Variants in ADCY8 observed in about 807,000 individuals in gnomAD.
The protein encoded by ADCY8 is adenylate cyclase type 8.
Under a neutral mutation model 119.7 loss-of-function variants are expected in ADCY8, and 51 were observed. That is an observed-to-expected ratio of 0.43 (90% CI 0.34 to 0.54). The LOEUF is 0.54. Ranked by LOEUF, ADCY8 falls within the 20% of genes least tolerant of loss-of-function variation. The pLI is 0.03. For missense variants in ADCY8, 1,383 were observed against 1,598.8 expected, an observed-to-expected ratio of 0.87 and a Z score of 2.30; for synonymous variants, 665 against 651.0, an observed-to-expected ratio of 1.02 and a Z score of -0.33.
Position 130,835,720 on chromosome 8 carries a change from C to T in ADCY8, c.2675+557G>A, listed in dbSNP as rs139839476. Among the ~76,000 whole-genome samples the T allele has an allele frequency of 9.8e-3, 1,490 of 152,102 alleles. 34 individuals carry two copies. The highest frequency in any genetic ancestry group is 0.034 in the African/African-American group (1,422 of 41,496). On this transcript the variant is annotated intron_variant, in intron 12 of 17. Transcript: ENST00000286355. ...AATTTTGCATATAACCTATACATAT[C>T]CCCCCCATGCTTTAAATCATCCTTA...
chr8:130,783,625 C>A (rs1285478522), intron 17 of ADCY8, 66 bp downstream of exon 17: 3 of 1,137,754 alleles, frequency 2.6e-6, no homozygotes, highest in Admixed American at 2.0e-5. Context: ...ATGCCCAAGG[C>A]AGGGGAGGGT....
intron 1 of ADCY8, among the ~76,000 whole-genome samples, chr8:131,017,694 A>T (rs1823524362): frequency 6.6e-6 from 1 of 152,178 alleles, no homozygotes; most frequent in African/African-American, 2.4e-5. Context: ...ACCACCTGCA[A>T]GGGGCCGACG....
At chr8:130,902,842 A>G (rs1201407307) in intron 7 of ADCY8, among the ~76,000 whole-genome samples, 7 of 152,044 alleles carry the variant, frequency 4.6e-5, no homozygotes, top group East Asian at 1.9e-4. Context: ...CTGTCAGATA[A>G]CTGTCAGATA....
Position 130,979,543 on chromosome 8 carries a change from GGA to G in ADCY8, c.1110+10848_1110+10849del, listed in dbSNP as rs1382424228. 2.0e-5 allele frequency among the ~76,000 whole-genome samples: 3 copies of G among 152,198 alleles called. No homozygotes were observed. In the East Asian group the frequency reaches 5.8e-4, roughly 29 times the overall value. ...AAGGGAGGGCTAGGGCCCTCCCAGT[GGA>G]GAGAGGGGTAGATTGTGAAGAGCAT... On this transcript the variant is annotated intron_variant, in intron 2 of 17. Transcript: ENST00000286355.
rs1456152633 is a variant in ADCY8 at position 130,849,674 on chromosome 8, C to T, written c.2340G>A (p.Glu780=). 5.6e-6 allele frequency: 9 copies of T among 1,614,034 alleles called. No homozygotes were observed. The highest frequency in any genetic ancestry group is 7.6e-6 in the Non-Finnish European group (9 of 1,179,950). Residue 780 remains glutamate, a synonymous_variant, in exon 10 of 18, where the codon GAG becomes GAA. Coordinates refer to ENST00000286355, the MANE Select transcript of ADCY8 (RefSeq NM_001115.3). ...ILRKTCCWIN[E]TYLARNVIIF... is the part of the protein sequence containing the mutation. ...TGATGACGTTCCGGGCCAAATAGGT[C>T]TCATTAATCCAACAGCAAGTTTTCC...
chr8:130,782,160 G>A (rs372027887), intron 17 of ADCY8, among the ~76,000 whole-genome samples: 4 of 152,032 alleles, frequency 2.6e-5, no homozygotes, highest in Admixed American at 6.5e-5. Context: ...CAGATATCTC[G>A]GTAAGATTAT....
rs746873452 is a variant in ADCY8, at chr8:130,849,636, A to G, written c.2378T>C (p.Ile793Thr). 10 of 1,614,022 alleles carry G rather than the reference A, an allele frequency of 6.2e-6. No homozygotes were observed. The highest frequency in any genetic ancestry group is 5.9e-6 in the Non-Finnish European group (7 of 1,179,890). Residue 793 changes from isoleucine (I) to threonine (T), a missense_variant, in exon 10 of 18, where the codon ATT becomes ACT. Physicochemically the swap from Ile to Thr is moderately conservative, Grantham distance 89 (BLOSUM62 -1). This residue lies in a region of ADCY8 where 928 missense variants were observed against 1,163.5 expected (regional missense o/e 0.80). Transcript: ENST00000286355. Reference protein sequence around the residue: ...LARNVIIFASILINFLGAILN... With the variant: ...LARNVIIFASTLINFLGAILN... ...GATGGCACCCAGGAAATTAATCAAAATGGATGCAAAGATGATGACGTTCCG... is the reference window on the plus strand; with the variant it reads ...GATGGCACCCAGGAAATTAATCAAAGTGGATGCAAAGATGATGACGTTCCG...
At chr8:130,927,309 C>T (rs1322360616) in intron 5 of ADCY8, among the ~76,000 whole-genome samples, 1 of 152,076 alleles carries the variant, frequency 6.6e-6, no homozygotes, top group African/African-American at 2.4e-5. Context: ...AGTGATATCT[C>T]ATTGTGGTTT....
chr8:130,989,782 T>C (rs1822518528), intron 2 of ADCY8, among the ~76,000 whole-genome samples: 1 of 152,224 alleles, frequency 6.6e-6, no homozygotes, highest in Admixed American at 6.5e-5. Context: ...TTTTAAGTTC[T>C]TATAACATCC....
chr8:131,026,198 C>G (rs968808384), intron 1 of ADCY8, among the ~76,000 whole-genome samples: 4 of 152,030 alleles, frequency 2.6e-5, no homozygotes, highest in African/African-American at 9.7e-5. Flanking sequence ...GAGGGTGGAG[C>G]CTTCATGAAT....
chr8:130,973,362 G>A (rs969977308), intron 2 of ADCY8, among the ~76,000 whole-genome samples: 1 of 152,192 alleles, frequency 6.6e-6, no homozygotes, highest in African/African-American at 2.4e-5. Flanking sequence ...CTTCAAAATT[G>A]TTTGTACATT....
chr8:130,848,050 T>C (rs1817387311), intron 10 of ADCY8, among the ~76,000 whole-genome samples: 1 of 152,218 alleles, frequency 6.6e-6, no homozygotes, highest in African/African-American at 2.4e-5. Flanking sequence ...AGACACTTTG[T>C]ACAAAAAAGC....
chr8:130,827,474 C>A (rs1816702512), intron 12 of ADCY8, among the ~76,000 whole-genome samples: 1 of 152,204 alleles, frequency 6.6e-6, no homozygotes, highest in Non-Finnish European at 1.5e-5. Context: ...TCGAACCAAT[C>A]TGTGAGCCTA....
chr8:130,945,674 G>A (rs1821085830), intron 3 of ADCY8, among the ~76,000 whole-genome samples: 1 of 152,218 alleles, frequency 6.6e-6, no homozygotes, highest in African/African-American at 2.4e-5. Flanking sequence ...ATATTTGAGA[G>A]AGAAAGAGAA....
Position 130,943,396 on chromosome 8 carries a change from G to C in ADCY8, c.1308C>G (p.Val436=). The change falls in exon 4 of 18, where the codon GTC becomes GTG. Residue 436 remains valine (V), a synonymous_variant. Transcript: ENST00000286355. The part of the protein sequence containing the change: ...LSTTLSAQEL[V]RMLNELFARF... Reference sequence around the variant, plus strand: ...TGGCAAAGAGCTCGTTGAGCATCCTGACCAGCTCCTGAGCAGACAAGGTCG... The same window carrying C: ...TGGCAAAGAGCTCGTTGAGCATCCTCACCAGCTCCTGAGCAGACAAGGTCG... 1.3e-6 allele frequency: 2 copies of C among 1,598,968 alleles called. No individual in the cohort carries two copies. The highest frequency in any genetic ancestry group is 1.7e-6 in the Non-Finnish European group (2 of 1,172,266).
chr8:130,784,541 G>A (rs753631132), intron 16 of ADCY8, among the ~76,000 whole-genome samples: 6 of 152,170 alleles, frequency 3.9e-5, no homozygotes, highest in Non-Finnish European at 8.8e-5. Context: ...AAGGTTTGTC[G>A]ACCATATGGT....
chr8:130,944,471 A>C (rs1239998001), intron 3 of ADCY8, among the ~76,000 whole-genome samples: 1 of 152,204 alleles, frequency 6.6e-6, no homozygotes, highest in African/African-American at 2.4e-5. Flanking sequence ...AAATAATGAC[A>C]AGTCTTACAA....
At chr8:130,992,590 T>C (rs927505673) in intron 1 of ADCY8, among the ~76,000 whole-genome samples, 1 of 151,628 alleles carries the variant, frequency 6.6e-6, no homozygotes, top group African/African-American at 2.4e-5. Context: ...AATTTTTGTA[T>C]TTTTAGTAGA....
intron 4 of ADCY8, among the ~76,000 whole-genome samples, chr8:130,939,938 G>A (rs1386466201): frequency 6.6e-6 from 1 of 152,182 alleles, no homozygotes; most frequent in African/African-American, 2.4e-5. Flanking sequence ...GTGCTACAGA[G>A]GAGCTAGCTA....
Sources: gnomAD v4.1 joint callset for allele counts (sites outside exome capture counted in the v4.1 genomes callset) on GRCh38, gnomAD v4.1.1 for gene constraint, gnomAD v4.1.1 regional missense constraint, MANE v1.5 for transcripts, NCBI Gene and HGNC (gene_info 2026-07-23, HGNC 2026-07-21) for gene names.